TENM2: variants seen among roughly 807,000 people sequenced by gnomAD.
The protein encoded by TENM2 is teneurin transmembrane protein 2.
Under a neutral mutation model 245.2 loss-of-function variants are expected in TENM2, and 52 were observed. The ratio of observed to expected loss-of-function variants is 0.21; its 90% CI spans 0.17 to 0.27. TENM2 has a LOEUF of 0.27. Among genes scored for constraint, TENM2 ranks in the 10% least tolerant of loss-of-function variants. TENM2 has a pLI of 1.00. For missense variants in TENM2, 3,046 were observed against 3,666.8 expected (o/e 0.83, Z 4.37); for synonymous variants, 1,363 against 1,438.9 (o/e 0.95, Z 1.19).
At chr5:167,270,361 G>T in the TENM2 span, among the ~76,000 whole-genome samples, 1 of 152,120 alleles carries the variant, frequency 6.6e-6, no homozygotes, top group South Asian at 2.1e-4. Context: ...GGGAGTGGTG[G>T]TGGTGATGGT....
chr5:167,466,907 G>A (rs1318217155), intron 2 of TENM2, among the ~76,000 whole-genome samples: 1 of 152,090 alleles, frequency 6.6e-6, no homozygotes, highest in African/African-American at 2.4e-5. Flanking sequence ...GAAGTAGTTC[G>A]GACTTCGGGT....
chr5:167,606,982 T>G (rs946155208), intron 2 of TENM2, among the ~76,000 whole-genome samples: 3 of 152,138 alleles, frequency 2.0e-5, no homozygotes, highest in Admixed American at 1.3e-4. Context: ...CTGGTAGCCT[T>G]GAATTGGAAC....
the TENM2 span, among the ~76,000 whole-genome samples, chr5:167,075,177 C>T: frequency 1.3e-5 from 2 of 152,066 alleles, no homozygotes; most frequent in African/African-American, 2.4e-5. Context: ...CAGCAAGTAA[C>T]AGACCAGAAA....
At chr5:167,442,414 C>A (rs1238650725) in intron 2 of TENM2, among the ~76,000 whole-genome samples, 1 of 152,056 alleles carries the variant, frequency 6.6e-6, no homozygotes, top group African/African-American at 2.4e-5. Context: ...GAAATGGATT[C>A]TAGATTATAG....
intron 1 of TENM2, among the ~76,000 whole-genome samples, chr5:167,310,305 C>T (rs958848082): frequency 2.0e-5 from 3 of 152,166 alleles, no homozygotes; most frequent in Non-Finnish European, 4.4e-5. Flanking sequence ...TTAGCATATT[C>T]GGATTATAGC....
chr5:167,526,360 G>GCACACACACACACACACA (rs72349867), intron 2 of TENM2, among the ~76,000 whole-genome samples: 294 of 144,150 alleles, frequency 2.0e-3, no homozygotes, highest in African/African-American at 6.8e-3. Flanking sequence ...TTAAGAAATA[G>GCACACACACACACACACA]CACACACACA....
chr5:166,979,370 T>C, the TENM2 span, among the ~76,000 whole-genome samples: 1 of 151,934 alleles, frequency 6.6e-6, no homozygotes, highest in African/African-American at 2.4e-5. Context: ...TTATTTTTTT[T>C]CCCCTTCTTT....
At chr5:168,101,981 G>A (rs1452892357) in intron 9 of TENM2, among the ~76,000 whole-genome samples, 7 of 152,080 alleles carry the variant, frequency 4.6e-5, no homozygotes, top group African/African-American at 1.7e-4. Flanking sequence ...AATTTCATGG[G>A]ACAGAAGTAT....
At chr5:167,113,686 T>G in the TENM2 span, among the ~76,000 whole-genome samples, 1 of 151,784 alleles carries the variant, frequency 6.6e-6, no homozygotes. Context: ...AATGTCAGAC[T>G]CCTCTAACTT....
chr5:167,771,643 A>C (rs1459828819), intron 2 of TENM2, among the ~76,000 whole-genome samples: 2 of 152,162 alleles, frequency 1.3e-5, no homozygotes, highest in African/African-American at 4.8e-5. Context: ...CAGTCTCATG[A>C]CCAATCCTCT....
At chr5:167,357,794 G>A (rs1243399856) in intron 1 of TENM2, among the ~76,000 whole-genome samples, 2 of 152,032 alleles carry the variant, frequency 1.3e-5, no homozygotes, top group Non-Finnish European at 2.9e-5. Context: ...TAAAACGCCT[G>A]GTCTATGCAT....
chr5:167,786,844 A>G (rs1764612363), intron 2 of TENM2, among the ~76,000 whole-genome samples: 1 of 152,244 alleles, frequency 6.6e-6, no homozygotes, highest in African/African-American at 2.4e-5. Context: ...CAAACCTATC[A>G]GAAGACACAC....
At chr5:167,135,469 T>G in the TENM2 span, among the ~76,000 whole-genome samples, 1 of 152,116 alleles carries the variant, frequency 6.6e-6, no homozygotes, top group Non-Finnish European at 1.5e-5. Context: ...TTCTTGGCTC[T>G]TAAAAAACAA....
rs1223002722 is a variant in TENM2, at chr5:167,797,230, C to G, written c.503-78756C>G. Among the ~76,000 whole-genome samples the G allele has an allele frequency of 1.3e-5, 2 of 152,096 alleles. 1 individual carries two copies. The highest frequency in any genetic ancestry group is 3.9e-4 in the East Asian group (2 of 5,180). On this transcript the variant is annotated intron_variant, in intron 2 of 28. Coordinates refer to ENST00000518659, the Ensembl canonical transcript of TENM2. ...TTTTGAGCCAGATCCATCCCAAGGC[C>G]CTTCAGTCTGACACCTCAGTGTGTG...
At chr5:168,169,196 CG>C (rs1181498917) in intron 13 of TENM2, among the ~76,000 whole-genome samples, 6 of 152,154 alleles carry the variant, frequency 3.9e-5, no homozygotes, top group Non-Finnish European at 5.9e-5. Flanking sequence ...CTCTTCAGCT[CG>C]TCTCCATGGA....
intron 8 of TENM2, among the ~76,000 whole-genome samples, 195 bp downstream of exon 10, chr5:168,090,964 A>G (rs1009703683): frequency 2.0e-5 from 3 of 152,148 alleles, no homozygotes; most frequent in African/African-American, 4.8e-5. Context: ...AAACCATGAA[A>G]AATTCACCAA....
At chr5:167,481,543 G>T (rs891442371) in intron 2 of TENM2, among the ~76,000 whole-genome samples, 1 of 152,066 alleles carries the variant, frequency 6.6e-6, no homozygotes, top group Non-Finnish European at 1.5e-5. Flanking sequence ...CATGTGTGAC[G>T]CTCCCTGCTT....
rs1017584260 is a variant in TENM2 at position 167,758,984 on chromosome 5, T to C, written c.503-117002T>C. ...TTTTACTATGGATACCTTGATACTTTGAATAAATAATAATTGTTTCATAAA... is the reference window on the plus strand; with the variant it reads ...TTTTACTATGGATACCTTGATACTTCGAATAAATAATAATTGTTTCATAAA... On this transcript the variant is annotated intron_variant, in intron 2 of 28. Transcript: ENST00000518659. 4.6e-5 allele frequency among the ~76,000 whole-genome samples: 7 copies of C among 151,870 alleles called. No individual in the cohort carries two copies. In the East Asian group the frequency reaches 1.4e-3, roughly 29 times the overall value.
chr5:167,984,678 TG>T (rs1362162446), intron 4 of TENM2, among the ~76,000 whole-genome samples: 1 of 152,138 alleles, frequency 6.6e-6, no homozygotes, highest in African/African-American at 2.4e-5. Flanking sequence ...ATTATATGCT[TG>T]TTTTTTTTGT....
Sources: allele counts gnomAD v4.1 joint callset (sites outside exome capture counted in the v4.1 genomes callset), GRCh38; gene constraint gnomAD v4.1.1; transcripts MANE v1.5; gene names NCBI Gene and HGNC (gene_info 2026-07-23, HGNC 2026-07-21).